The following CHODL variants were observed in gnomAD, a reference collection of about 807,000 sequenced individuals.
CHODL encodes the protein transmembrane protein MT75.
A neutral mutation model predicts 34.5 loss-of-function variants in CHODL; 29 were observed. The observed-to-expected ratio is 0.84, with a 90% CI of 0.63 to 1.15. The LOEUF (loss-of-function observed/expected upper bound fraction) is 1.15, where lower values mean the gene tolerates loss of function less well. Among genes scored for constraint, CHODL ranks in the 50% most tolerant of loss-of-function variants. CHODL has a pLI of 0.00. For synonymous variants in CHODL, 125 were observed against 116.1 expected, an observed-to-expected ratio of 1.08 and a Z score of -0.49; for missense variants, 332 against 332.5, an observed-to-expected ratio of 1.00 and a Z score of 0.01.
intron 3 of CHODL, among the ~76,000 whole-genome samples, chr21:18,259,002 G>A (rs1402189538): frequency 6.6e-6 from 1 of 152,106 alleles, no homozygotes; most frequent in African/African-American, 2.4e-5. Flanking sequence ...AAACCCAGAG[G>A]AGGCTATTAA....
intron 2 of CHODL, among the ~76,000 whole-genome samples, chr21:18,163,619 T>C (rs564555491): frequency 6.6e-6 from 1 of 152,358 alleles, no homozygotes; most frequent in South Asian, 2.1e-4. Flanking sequence ...GGTAAATTAC[T>C]TAAACCTAAG....
intron 2 of CHODL, among the ~76,000 whole-genome samples, chr21:18,081,579 G>C (rs964248316): frequency 1.3e-5 from 2 of 151,986 alleles, no homozygotes; most frequent in African/African-American, 4.8e-5. Flanking sequence ...TGCTTGGGAG[G>C]CTGAGGCAAG....
intron 2 of CHODL, among the ~76,000 whole-genome samples, chr21:18,112,462 T>C (rs1298100634): frequency 1.3e-5 from 2 of 151,712 alleles, no homozygotes; most frequent in African/African-American, 4.8e-5. Flanking sequence ...GCCAAAGCTA[T>C]CCTGAGCAAG....
chr21:18,029,784 C>T (rs781168875), intron 2 of CHODL, among the ~76,000 whole-genome samples: 1 of 152,080 alleles, frequency 6.6e-6, no homozygotes, highest in African/African-American at 2.4e-5. Context: ...GCCCAGGACA[C>T]TGAATCTTAT....
chr21:17,982,696 C>CTTTTTTTTT (rs397867753), intron 1 of CHODL, among the ~76,000 whole-genome samples: 1 of 62,980 alleles, frequency 1.6e-5, no homozygotes, highest in African/African-American at 6.7e-5. Flanking sequence ...TATATATATT[C>CTTTTTTTTT]TTTTTTTTTT....
intron 2 of CHODL, among the ~76,000 whole-genome samples, chr21:18,172,564 T>A (rs1206837907): frequency 7.3e-6 from 1 of 137,236 alleles, no homozygotes; most frequent in Non-Finnish European, 1.5e-5. Context: ...CTTACCCAGA[T>A]TCAGCCATTT....
At chr21:18,105,826 G>T (rs1297675159) in intron 2 of CHODL, among the ~76,000 whole-genome samples, 1 of 152,182 alleles carries the variant, frequency 6.6e-6, no homozygotes, top group Non-Finnish European at 1.5e-5. Flanking sequence ...TTCCCTGAGA[G>T]GGTCCAGAAT....
chr21:18,055,843 C>A (rs2064573352), intron 2 of CHODL, among the ~76,000 whole-genome samples: 1 of 151,968 alleles, frequency 6.6e-6, no homozygotes, highest in African/African-American at 2.4e-5. Flanking sequence ...AATTCAAGTA[C>A]CAAAAGATTC....
chr21:17,982,292 A>C (rs1371667684), intron 1 of CHODL, among the ~76,000 whole-genome samples: 1 of 152,224 alleles, frequency 6.6e-6, no homozygotes, highest in Non-Finnish European at 1.5e-5. Context: ...CACTCTGACC[A>C]GCAGATCTTT....
intron 2 of CHODL, among the ~76,000 whole-genome samples, chr21:18,192,785 C>G (rs1219974884): frequency 6.6e-6 from 1 of 151,988 alleles, no homozygotes; most frequent in East Asian, 1.9e-4. Context: ...AAAATTAAAT[C>G]TACTCACTTC....
Position 18,115,276 on chromosome 21 carries a change from A to G in CHODL, c.-45+87305A>G, listed in dbSNP as rs145041920. On this transcript the variant is annotated intron_variant, in intron 2 of 6. Transcript: ENST00000400127. ...CTGAGGACTTGTGAAAATAATCAGG[A>G]TCCTGTCTGACTGATTCCAAAGTAC... 3.2e-3 allele frequency among the ~76,000 whole-genome samples: 490 copies of G among 152,226 alleles called. 3 individuals carry two copies. The highest frequency in any genetic ancestry group is 0.01 in the African/African-American group (432 of 41,538).
At chr21:17,954,268 A>G (rs925270182) in intron 1 of CHODL, among the ~76,000 whole-genome samples, 3 of 152,224 alleles carry the variant, frequency 2.0e-5, no homozygotes, top group East Asian at 1.9e-4. Context: ...TACACGATGT[A>G]AAAGGTGTCA....
intron 1 of CHODL, among the ~76,000 whole-genome samples, chr21:18,010,320 AAAG>A (rs1555850969): frequency 4.1e-5 from 6 of 145,002 alleles, no homozygotes; most frequent in Admixed American, 1.4e-4. Context: ...AAAAAAAAAA[AAAG>A]AAGAAAAAGG....
At chr21:18,090,852 A>G (rs1183015761) in intron 2 of CHODL, among the ~76,000 whole-genome samples, 1 of 152,118 alleles carries the variant, frequency 6.6e-6, no homozygotes, top group Non-Finnish European at 1.5e-5. Context: ...TTTAACAACT[A>G]TCTGCACACA....
intron 2 of CHODL, among the ~76,000 whole-genome samples, chr21:18,201,185 G>C (rs1260303567): frequency 1.3e-5 from 2 of 152,138 alleles, no homozygotes; most frequent in Admixed American, 6.5e-5. Flanking sequence ...TAATGAAGCT[G>C]AGTTTATTCC....
chr21:18,188,012 G>A (rs8131243), intron 2 of CHODL, among the ~76,000 whole-genome samples: 1,712 of 152,110 alleles, frequency 0.011, 40 homozygotes, highest in African/African-American at 0.04. Flanking sequence ...AGCACTACAC[G>A]AAGATTATGC....
chr21:18,233,533 T>C (rs941704426), intron 2 of CHODL, among the ~76,000 whole-genome samples: 5 of 152,136 alleles, frequency 3.3e-5, no homozygotes, highest in African/African-American at 9.7e-5. Flanking sequence ...GTTGTTATTA[T>C]TGTTATAGTT....
At chr21:17,959,437 A>G (rs1007497760) in intron 1 of CHODL, among the ~76,000 whole-genome samples, 2 of 152,196 alleles carry the variant, frequency 1.3e-5, no homozygotes, top group Non-Finnish European at 2.9e-5. Context: ...TTAACAAGCC[A>G]TTTGGGATCC....
intron 4 of CHODL, 22 bp downstream of exon 4, chr21:18,260,308 A>G (rs987147839): frequency 1.2e-5 from 18 of 1,440,856 alleles, no homozygotes; most frequent in Non-Finnish European, 1.7e-5. Context: ...ATGTGTCTTT[A>G]ACTTCATCAA....
Sources: allele counts gnomAD v4.1 joint callset (sites outside exome capture counted in the v4.1 genomes callset), GRCh38; gene constraint gnomAD v4.1.1; transcripts MANE v1.5; gene names NCBI Gene and HGNC (gene_info 2026-07-23, HGNC 2026-07-21).